The following COL24A1 variants were observed in gnomAD, a reference collection of about 807,000 sequenced individuals.
COL24A1 encodes the protein collagen type XXIV alpha 1 chain.
A neutral mutation model predicts 253.9 loss-of-function variants in COL24A1; 224 were observed. The observed-to-expected ratio is 0.88, with a 90% CI of 0.79 to 0.99. COL24A1 has a LOEUF of 0.99. Among genes scored for constraint, COL24A1 ranks in the 50% least tolerant of loss-of-function variants. The pLI, the probability that COL24A1 is intolerant of heterozygous loss-of-function variation, is 0.00. For synonymous variants in COL24A1, 685 were observed against 673.7 expected, an observed-to-expected ratio of 1.02 and a Z score of -0.26; for missense variants, 2,131 against 2,068.5, an observed-to-expected ratio of 1.03 and a Z score of -0.59.
intron 24 of COL24A1, among the ~76,000 whole-genome samples, chr1:85,934,743 T>A (rs1053986298): frequency 6.6e-6 from 1 of 152,166 alleles, no homozygotes; most frequent in South Asian, 2.1e-4. Context: ...TTTGTTTACT[T>A]ATTATCTGTG....
intron 32 of COL24A1, among the ~76,000 whole-genome samples, chr1:85,885,587 A>C (rs1469187130): frequency 6.6e-6 from 1 of 151,960 alleles, no homozygotes; most frequent in African/African-American, 2.4e-5. Flanking sequence ...ATAAATAACG[A>C]ATTTATTTTG....
At position 86,118,993 on chromosome 1, in the gene COL24A1, G is replaced by T. The variant is rs115806340; in HGVS notation, c.1492-3615C>A. Among the ~76,000 whole-genome samples, 552 of 152,216 alleles carry T rather than the reference G, an allele frequency of 3.6e-3. 1 individual carries two copies. Among genetic ancestry groups the T allele is most frequent in the Non-Finnish European group, 5.5e-3 (373 of 68,002 alleles). On this transcript the variant is annotated intron_variant, in intron 3 of 59. Transcript: ENST00000370571. ...GCACAGGTCAGGATACAGAGTTTGA[G>T]TTTAAGTGCTATAACCTTCTTCCAC... is the stretch of plus-strand genomic sequence containing the variant.
chr1:85,793,776 T>C lies in COL24A1; in HGVS notation c.3952-7315A>G, dbSNP rs1432141770. 2.0e-5 allele frequency among the ~76,000 whole-genome samples: 3 copies of C among 152,200 alleles called. No individual in the cohort carries two copies. The East Asian group carries it at 5.8e-4, about 29-fold the overall frequency. ...ATCATCAATACAAATGATAGTCATC[T>C]GAGACTTTGGGATTTAAATTTTCAA... is the stretch of plus-strand genomic sequence containing the variant. On this transcript the variant is annotated intron_variant, in intron 47 of 59. Transcript: ENST00000370571.
At chr1:85,764,457 C>CAT (rs1487255863) in intron 53 of COL24A1, among the ~76,000 whole-genome samples, 2 of 808 alleles carry the variant, frequency 2.5e-3, no homozygotes, top group East Asian at 0.036. Flanking sequence ...GTGGAGGATA[C>CAT]ACACACACAC....
chr1:85,741,006 C>A (rs1229569056), intron 57 of COL24A1, among the ~76,000 whole-genome samples: 10 of 141,508 alleles, frequency 7.1e-5, no homozygotes, highest in African/African-American at 2.6e-4. Context: ...ATAATCCCAG[C>A]TACTTGGGAG....
intron 32 of COL24A1, among the ~76,000 whole-genome samples, chr1:85,888,337 A>G (rs1046514076): frequency 6.6e-6 from 1 of 152,106 alleles, no homozygotes; most frequent in Non-Finnish European, 1.5e-5. Flanking sequence ...CTTTAATAAC[A>G]TCCTTTGTTC....
chr1:86,084,907 C>G (rs77059648), intron 7 of COL24A1, among the ~76,000 whole-genome samples: 9 of 152,008 alleles, frequency 5.9e-5, no homozygotes, highest in Admixed American at 2.6e-4. Context: ...CCCCAAGCAG[C>G]GGCATTTGTA....
At chr1:86,067,438 G>A (rs1260478580) in intron 7 of COL24A1, among the ~76,000 whole-genome samples, 2 of 152,178 alleles carry the variant, frequency 1.3e-5, no homozygotes, top group African/African-American at 2.4e-5. Context: ...GGTGTCCCCA[G>A]TGCCTGGTAC....
intron 48 of COL24A1, among the ~76,000 whole-genome samples, chr1:85,784,809 C>T (rs1325018142): frequency 6.6e-6 from 1 of 152,126 alleles, no homozygotes; most frequent in Non-Finnish European, 1.5e-5. Flanking sequence ...TGGCTTACTG[C>T]AGCCTTAAAC....
intron 43 of COL24A1, among the ~76,000 whole-genome samples, chr1:85,834,184 G>A (rs1001856529): frequency 1.3e-5 from 2 of 151,796 alleles, no homozygotes; most frequent in African/African-American, 4.8e-5. Context: ...GTAGGACAAA[G>A]TAACTAGATT....
intron 43 of COL24A1, among the ~76,000 whole-genome samples, chr1:85,825,068 C>A (rs12735553): frequency 0.36 from 49,665 of 136,606 alleles, 9,827 homozygotes; most frequent in Non-Finnish European, 0.42. Context: ...TGCTATCCCT[C>A]TCCCCTCCCC....
intron 19 of COL24A1, among the ~76,000 whole-genome samples, chr1:86,008,935 A>T (rs1696238890): frequency 6.6e-6 from 1 of 152,198 alleles, no homozygotes; most frequent in Non-Finnish European, 1.5e-5. Flanking sequence ...TTAACAAAAA[A>T]TGTGCAAAAC....
rs182983826 is a variant in COL24A1 at position 85,864,618 on chromosome 1, C to A, written c.3300+3901G>T. ...CATATATCTTATCATTCTTTTCTAA[C>A]TATTGATAATCTTCTCATCTTTATG... On this transcript the variant is annotated intron_variant, in intron 37 of 59. Transcript: ENST00000370571. Among the ~76,000 whole-genome samples the A allele has an allele frequency of 6.6e-5, 10 of 152,134 alleles. No individual in the cohort carries two copies. In the East Asian group the frequency reaches 1.9e-3, roughly 29 times the overall value.
intron 2 of COL24A1, among the ~76,000 whole-genome samples, chr1:86,136,000 A>T (rs964286842): frequency 2.6e-5 from 4 of 152,004 alleles, no homozygotes; most frequent in African/African-American, 4.8e-5. Flanking sequence ...CTCCGGTACT[A>T]CCAGTTTCAT....
At position 85,874,710 on chromosome 1, in the gene COL24A1, A is replaced by G; in HGVS notation, c.3085-8T>C. On this transcript the variant is annotated splice_region_variant and splice_polypyrimidine_tract_variant and intron_variant, in intron 34 of 59. Coordinates refer to ENST00000370571, the MANE Select transcript of COL24A1 (RefSeq NM_152890.7). ...AGCAGTTCCAACATCTCCCTGAAGA[A>G]ACAAAGGGAAAGATTAAACTCTTTT... 6.2e-7 allele frequency: 1 copy of G among 1,612,020 alleles called. No individual in the cohort carries two copies. The highest frequency in any genetic ancestry group is 8.5e-7 in the Non-Finnish European group (1 of 1,179,744).
chr1:86,022,875 G>A lies in COL24A1; in HGVS notation c.2106C>T (p.Gly702=). ...CAGGTAGTCCTTTATTCCCTGAAAG[G>A]CCCTACAAAAAAAGGTGACATTTTG... is the stretch of plus-strand genomic sequence containing the variant. ...IGPAGIPGPM[G]LSGNKGLPGI... is the part of the protein sequence containing the mutation. The change falls in exon 16 of 60, where the codon GGC becomes GGT. Residue 702 remains glycine, a splice_region_variant and synonymous_variant. Coordinates refer to ENST00000370571, the MANE Select transcript of COL24A1 (RefSeq NM_152890.7). The A allele has an allele frequency of 2.5e-6, 4 of 1,605,794 alleles. No homozygotes were observed. The highest frequency in any genetic ancestry group is 3.4e-6 in the Non-Finnish European group (4 of 1,175,540).
At chr1:85,757,269 A>G (rs1346849940) in intron 55 of COL24A1, among the ~76,000 whole-genome samples, 2 of 152,208 alleles carry the variant, frequency 1.3e-5, no homozygotes, top group South Asian at 2.1e-4. Flanking sequence ...TATCCCTTAG[A>G]CCAAACTATC....
intron 55 of COL24A1, among the ~76,000 whole-genome samples, chr1:85,746,013 A>G (rs1248871873): frequency 2.0e-5 from 3 of 152,204 alleles, no homozygotes; most frequent in Non-Finnish European, 4.4e-5. Context: ...TGAGTCCCAA[A>G]AGAAATAATA....
chr1:86,025,836 C>A (rs1697978451), intron 14 of COL24A1, among the ~76,000 whole-genome samples: 1 of 152,112 alleles, frequency 6.6e-6, no homozygotes, highest in Admixed American at 6.6e-5. Context: ...TTGAACACAG[C>A]ATTTTTGTAC....
Sources: gnomAD v4.1 joint callset for allele counts (sites outside exome capture counted in the v4.1 genomes callset) on GRCh38, gnomAD v4.1.1 for gene constraint, MANE v1.5 for transcripts, NCBI Gene and HGNC (gene_info 2026-07-23, HGNC 2026-07-21) for gene names.